Variants in MS4A8 observed in about 807,000 individuals in gnomAD.
MS4A8 encodes the protein membrane-spanning 4-domains subfamily A member 8.
Under a neutral mutation model 23.7 loss-of-function variants are expected in MS4A8, and 27 were observed. The observed-to-expected ratio is 1.14, with a 90% CI of 0.84 to 1.57. The LOEUF (loss-of-function observed/expected upper bound fraction) is 1.57, where lower values mean the gene tolerates loss of function less well. MS4A8 is among the 40% of genes most tolerant of loss of function. MS4A8 has a pLI of 0.00. For missense variants in MS4A8, 301 were observed against 311.4 expected (o/e 0.97, Z 0.25); for synonymous variants, 138 against 126.3 (o/e 1.09, Z -0.62).
chr11:60,704,812 CCACA>C lies in MS4A8; in HGVS notation c.342+1333_342+1336del, dbSNP rs759471971. 4.5e-4 allele frequency among the ~76,000 whole-genome samples: 62 copies of C among 139,084 alleles called. No homozygotes were observed. The Middle Eastern group carries it at 0.014, about 32-fold the overall frequency. The allele number at this position is 139,084 out of a possible 152,430, so 91.2% of individuals were successfully genotyped here. On this transcript the variant is annotated intron_variant, in intron 3 of 6. Coordinates refer to ENST00000300226, the MANE Select transcript of MS4A8 (RefSeq NM_031457.2). ...TGGTTCCTTTGCAGTGTCCCCCTGCCCACACACACACACACACACACACATACAC... is the reference window on the plus strand; with the variant it reads ...TGGTTCCTTTGCAGTGTCCCCCTGCCCACACACACACACACACACATACAC...
Position 60,715,052 on chromosome 11 carries a change from T to A in MS4A8, c.566T>A (p.Leu189Gln). The A allele has an allele frequency of 1.9e-6, 3 of 1,614,164 alleles. No homozygotes were observed. Among genetic ancestry groups the A allele is most frequent in the Non-Finnish European group, 2.5e-6 (3 of 1,180,006 alleles). Residue 189 changes from leucine (L) to glutamine (Q), a missense_variant, in exon 6 of 7, where the codon CTG (leucine) becomes CAG (glutamine). By Grantham distance (113) the Leu-to-Gln change is moderately radical. Coordinates refer to ENST00000300226, the MANE Select transcript of MS4A8 (RefSeq NM_031457.2). ...NPGMAISGVL[L>Q]VFCLLEFGIA... Reference sequence around the variant, plus strand: ...GGAATGGCGATTTCTGGCGTGCTGCTGGTCTTCTGCCTCCTGGAGTTTGGC... The same window carrying A: ...GGAATGGCGATTTCTGGCGTGCTGCAGGTCTTCTGCCTCCTGGAGTTTGGC...
At chr11:60,714,257 G>A (rs1175854466) in intron 5 of MS4A8, among the ~76,000 whole-genome samples, 1 of 151,808 alleles carries the variant, frequency 6.6e-6, no homozygotes, top group East Asian at 1.9e-4. Flanking sequence ...CTGCCTTCAA[G>A]CATTTGTTTA....
chr11:60,707,309 C>CGAGAGA (rs112128181), intron 4 of MS4A8, among the ~76,000 whole-genome samples: 4 of 147,568 alleles, frequency 2.7e-5, no homozygotes, highest in Non-Finnish European at 1.5e-5. Flanking sequence ...GTATGGAGAG[C>CGAGAGA]GAGAGAGAGA....
rs1331676601 is a variant in MS4A8 at position 60,701,054 on chromosome 11, CT to C, written c.195del (p.Leu66Ter). The C allele has an allele frequency of 6.2e-7, 1 of 1,614,026 alleles. No individual in the cohort carries two copies. Among genetic ancestry groups the C allele is most frequent in the East Asian group, 2.2e-5 (1 of 44,890 alleles). On this transcript the variant is annotated frameshift_variant, in exon 2 of 7. Coordinates refer to ENST00000300226, the MANE Select transcript of MS4A8 (RefSeq NM_031457.2). LOFTEE classifies it high-confidence loss of function. The part of the protein sequence containing the change: ...SNVNGQPVQK[A>X]LKEGKTLGAI... Reference sequence around the variant, plus strand: ...GTGAATGGGCAGCCTGTGCAGAAAGCTCTGAAAGAAGGCAAAACCTTGGGGG... The same window carrying C: ...GTGAATGGGCAGCCTGTGCAGAAAGCCTGAAAGAAGGCAAAACCTTGGGGG...
intron 3 of MS4A8, among the ~76,000 whole-genome samples, chr11:60,706,262 C>T (rs1223895132): frequency 6.6e-6 from 1 of 152,230 alleles, no homozygotes; most frequent in South Asian, 2.1e-4. Flanking sequence ...TCATACCACT[C>T]TTGCTAGCCC....
At chr11:60,710,767 C>G (rs2088294109) in intron 5 of MS4A8, among the ~76,000 whole-genome samples, 2 of 152,146 alleles carry the variant, frequency 1.3e-5, no homozygotes, top group South Asian at 4.1e-4. Context: ...CCCTCTGGTG[C>G]CCCCCGCCCC....
At chr11:60,700,367 GA>G (rs532831572) in intron 1 of MS4A8, among the ~76,000 whole-genome samples, 430 of 152,294 alleles carry the variant, frequency 2.8e-3, no homozygotes, top group Non-Finnish European at 4.7e-3. Context: ...CCAACAGGGG[GA>G]AACCCCATCT....
intron 5 of MS4A8, among the ~76,000 whole-genome samples, chr11:60,714,420 A>G (rs887761412): frequency 6.6e-5 from 10 of 152,152 alleles, no homozygotes; most frequent in African/African-American, 2.2e-4. Context: ...GGAGTCTCCT[A>G]TGTCTACTTC....
chr11:60,715,727 T>C lies in MS4A8; in HGVS notation c.*313T>C, dbSNP rs1357637115. On this transcript the variant is annotated 3_prime_UTR_variant, in exon 7 of 7. Coordinates refer to ENST00000300226, the MANE Select transcript of MS4A8 (RefSeq NM_031457.2). ...GTGTGCTCTGCTGCATGTGAGCTTG[T>C]GGGTTAGAGGAACAAATATCTAGAC... 8 of 354,656 alleles carry C rather than the reference T, an allele frequency of 2.3e-5. No individual in the cohort carries two copies. The highest frequency in any genetic ancestry group is 4.4e-5 in the Admixed American group (1 of 22,518). 22.0% of individuals were successfully genotyped at this position (354,656 alleles called of 1,614,324 possible).
Position 60,708,789 on chromosome 11 carries a change from T to C in MS4A8, c.534+8T>C. 2 of 1,613,862 alleles carry C rather than the reference T, an allele frequency of 1.2e-6. No individual in the cohort carries two copies. Among genetic ancestry groups the C allele is most frequent in the Non-Finnish European group, 1.7e-6 (2 of 1,179,818 alleles). On this transcript the variant is annotated splice_region_variant and intron_variant, in intron 5 of 6. Coordinates refer to ENST00000300226, the MANE Select transcript of MS4A8 (RefSeq NM_031457.2). ...CCTTACGCCTGGGGTGTGGTGAGTA[T>C]CCCTCTCAACCAAAGATCCTCTAAG...
At chr11:60,706,928 G>A in intron 3 of MS4A8, 60 bp from the exon 4 acceptor site, 2 of 1,437,370 alleles carry the variant, frequency 1.4e-6, no homozygotes, top group Non-Finnish European at 2.0e-6. Context: ...AATCACAGAA[G>A]CCTGGGGAAG....
intron 3 of MS4A8, among the ~76,000 whole-genome samples, chr11:60,705,685 G>A (rs1322002062): frequency 6.6e-6 from 1 of 152,218 alleles, no homozygotes; most frequent in Non-Finnish European, 1.5e-5. Context: ...TTGGAAGGCA[G>A]AAACAGCTGG....
chr11:60,714,462 CTCTT>C (rs1220014470), intron 5 of MS4A8, among the ~76,000 whole-genome samples: 3 of 152,164 alleles, frequency 2.0e-5, no homozygotes, highest in Non-Finnish European at 4.4e-5. Flanking sequence ...AATCTGATCT[CTCTT>C]TCTTTTCCCC....
At chr11:60,706,848 A>C in intron 3 of MS4A8, 140 bp from the exon 4 acceptor site, 2 of 732,376 alleles carry the variant, frequency 2.7e-6, no homozygotes, top group Non-Finnish European at 4.9e-6. Context: ...GCAGTGCAAA[A>C]CAGCTCATTT....
chr11:60,704,805 C>T (rs2088239459), intron 3 of MS4A8, among the ~76,000 whole-genome samples: 1 of 149,766 alleles, frequency 6.7e-6, no homozygotes, highest in Admixed American at 6.6e-5. Flanking sequence ...TTGCAGTGTC[C>T]CCCTGCCCAC....
chr11:60,703,312 G>T, intron 2 of MS4A8, 66 bp from the exon 3 acceptor site: 1 of 1,433,836 alleles, frequency 7.0e-7, no homozygotes, highest in Non-Finnish European at 9.2e-7. Context: ...AAATTAAAAG[G>T]AGGCTCATAG....
At chr11:60,708,872 C>A in intron 5 of MS4A8, 91 bp downstream of exon 5, 1 of 1,483,124 alleles carries the variant, frequency 6.7e-7, no homozygotes, top group Non-Finnish European at 9.4e-7. Context: ...CAAGCTACCT[C>A]ACTGAACATG....
chr11:60,705,749 G>A (rs563138672), intron 3 of MS4A8, among the ~76,000 whole-genome samples: 9 of 152,234 alleles, frequency 5.9e-5, no homozygotes, highest in African/African-American at 1.2e-4. Context: ...TGCATCTGCC[G>A]TGGGTGGGAG....
intron 5 of MS4A8, among the ~76,000 whole-genome samples, chr11:60,709,639 C>A (rs1367663095): frequency 1.3e-5 from 2 of 152,208 alleles, no homozygotes; most frequent in Admixed American, 6.5e-5. Context: ...TAGAACAGGG[C>A]AGCTACAGAT....
Sources: allele counts gnomAD v4.1 joint callset (sites outside exome capture counted in the v4.1 genomes callset), GRCh38; gene constraint gnomAD v4.1.1; transcripts MANE v1.5; gene names NCBI Gene and HGNC (gene_info 2026-07-23, HGNC 2026-07-21).